MLLT3: variants seen among roughly 807,000 people sequenced by gnomAD.
MLLT3 encodes the protein protein AF-9.
In MLLT3, 4 loss-of-function variants were observed where a neutral mutation model predicts 53.2. The ratio of observed to expected loss-of-function variants is 0.08; its 90% confidence interval spans 0.04 to 0.17. The LOEUF is 0.17. Among genes scored for constraint, MLLT3 ranks in the 10% least tolerant of loss-of-function variants. The pLI is 1.00. For synonymous variants in MLLT3, 283 were observed against 230.6 expected (o/e 1.23, Z -2.06); for missense variants, 569 against 684.0 (o/e 0.83, Z 1.87).
At chr9:20,394,731 C>T (rs914341380) in intron 5 of MLLT3, among the ~76,000 whole-genome samples, 5 of 151,944 alleles carry the variant, frequency 3.3e-5, no homozygotes, top group East Asian at 1.9e-4. Flanking sequence ...AAACATGGAA[C>T]GTATTTTTAA....
chr9:20,365,350 T>G (rs1361672194), intron 6 of MLLT3, among the ~76,000 whole-genome samples: 2 of 151,992 alleles, frequency 1.3e-5, no homozygotes, highest in African/African-American at 4.8e-5. Context: ...TTTTGTTTTC[T>G]TTTTTTTGAG....
At chr9:20,388,600 C>T (rs1164276731) in intron 5 of MLLT3, among the ~76,000 whole-genome samples, 2 of 151,870 alleles carry the variant, frequency 1.3e-5, no homozygotes, top group African/African-American at 4.8e-5. Flanking sequence ...AAAAACAAAA[C>T]TATTCTCCAA....
chr9:20,392,111 G>C (rs1282870717), intron 5 of MLLT3, among the ~76,000 whole-genome samples: 1 of 152,112 alleles, frequency 6.6e-6, no homozygotes, highest in Non-Finnish European at 1.5e-5. Context: ...GAGGCCTCCT[G>C]AGCTCCCTGA....
chr9:20,349,534 A>T (rs78284619), intron 10 of MLLT3, among the ~76,000 whole-genome samples: 3 of 104,454 alleles, frequency 2.9e-5, no homozygotes, highest in Non-Finnish European at 4.3e-5. Flanking sequence ...GGCTTGAATT[A>T]AAAAAAAAAA....
intron 5 of MLLT3, among the ~76,000 whole-genome samples, chr9:20,368,605 C>T (rs1821516435): frequency 6.6e-6 from 1 of 152,224 alleles, no homozygotes; most frequent in African/African-American, 2.4e-5. Flanking sequence ...TCATGTCAAT[C>T]TCAGAACCAA....
intron 4 of MLLT3, among the ~76,000 whole-genome samples, chr9:20,421,571 T>A (rs1454452057): frequency 6.6e-6 from 1 of 152,202 alleles, no homozygotes; most frequent in Non-Finnish European, 1.5e-5. Context: ...ATCAGTGCTT[T>A]AATTATATAA....
At chr9:20,484,789 G>A (rs1824763856) in intron 2 of MLLT3, among the ~76,000 whole-genome samples, 1 of 152,082 alleles carries the variant, frequency 6.6e-6, no homozygotes, top group Non-Finnish European at 1.5e-5. Context: ...TATTCAAAAT[G>A]TTTAATGAAA....
intron 2 of MLLT3, among the ~76,000 whole-genome samples, chr9:20,609,148 T>G (rs1345896796): frequency 6.6e-6 from 1 of 152,080 alleles, no homozygotes; most frequent in Non-Finnish European, 1.5e-5. Flanking sequence ...TGTGTATTTT[T>G]GGATAAATTA....
At chr9:20,402,727 A>C (rs1385027059) in intron 5 of MLLT3, among the ~76,000 whole-genome samples, 2 of 152,210 alleles carry the variant, frequency 1.3e-5, no homozygotes, top group Non-Finnish European at 2.9e-5. Flanking sequence ...GAGACAATAA[A>C]GGATGACCAG....
Position 20,588,134 on chromosome 9 carries a change from C to T in MLLT3, c.193+32520G>A, listed in dbSNP as rs148401188. On this transcript the variant is annotated intron_variant, in intron 2 of 10. Coordinates refer to ENST00000380338, the MANE Select transcript of MLLT3 (RefSeq NM_004529.4). ...CATTGCTTGTTTTTCTCAAGTTTGT[C>T]AAAGATGAGATAGTTGTAGATATGC... Among the ~76,000 whole-genome samples, 284 of 152,206 alleles carry T rather than the reference C, an allele frequency of 1.9e-3. 2 individuals are homozygous for T. Among genetic ancestry groups the T allele is most frequent in the African/African-American group, 6.7e-3 (279 of 41,532 alleles).
At chr9:20,403,429 C>A (rs544355265) in intron 5 of MLLT3, among the ~76,000 whole-genome samples, 1 of 152,252 alleles carries the variant, frequency 6.6e-6, no homozygotes, top group Admixed American at 6.5e-5. Context: ...TAACACACAA[C>A]CTCCCTCCTT....
At chr9:20,585,672 C>T (rs1819937889) in intron 2 of MLLT3, among the ~76,000 whole-genome samples, 1 of 152,164 alleles carries the variant, frequency 6.6e-6, no homozygotes, top group Non-Finnish European at 1.5e-5. Context: ...TATTGAGCAT[C>T]TTTTCATCAC....
chr9:20,615,374 A>C (rs866731641), intron 2 of MLLT3, among the ~76,000 whole-genome samples: 256 of 128,606 alleles, frequency 2.0e-3, no homozygotes, highest in Non-Finnish European at 2.6e-3. Flanking sequence ...AAAAAAAAAA[A>C]AAAAAAAAAA....
chr9:20,586,134 T>C (rs547151033), intron 2 of MLLT3, among the ~76,000 whole-genome samples: 24 of 152,100 alleles, frequency 1.6e-4, no homozygotes, highest in Non-Finnish European at 3.1e-4. Flanking sequence ...CCGGGCAACA[T>C]AGCGAGGCTT....
chr9:20,409,590 G>T (rs1822672196), intron 5 of MLLT3, among the ~76,000 whole-genome samples: 1 of 152,048 alleles, frequency 6.6e-6, no homozygotes, highest in Non-Finnish European at 1.5e-5. Context: ...TCCTAAACCA[G>T]GAACCACTGT....
intron 5 of MLLT3, among the ~76,000 whole-genome samples, chr9:20,393,136 C>A (rs1822230215): frequency 6.6e-6 from 1 of 151,982 alleles, no homozygotes; most frequent in South Asian, 2.1e-4. Context: ...GCCTGGGCAA[C>A]AAGAGCAAAA....
At chr9:20,483,718 T>C (rs1799093681) in intron 2 of MLLT3, among the ~76,000 whole-genome samples, 1 of 141,744 alleles carries the variant, frequency 7.1e-6, no homozygotes, top group South Asian at 2.4e-4. Flanking sequence ...TTTTTTTTTT[T>C]TTTTTCCGAG....
intron 2 of MLLT3, among the ~76,000 whole-genome samples, chr9:20,543,192 G>A (rs777811118): frequency 1.3e-5 from 2 of 152,180 alleles, no homozygotes; most frequent in African/African-American, 4.8e-5. Context: ...ACTGTTCACT[G>A]AAGGAGCACA....
chr9:20,506,836 T>G (rs187424192), intron 2 of MLLT3, among the ~76,000 whole-genome samples: 1 of 152,330 alleles, frequency 6.6e-6, no homozygotes, highest in East Asian at 1.9e-4. Flanking sequence ...GAGAAGTGTA[T>G]CTGGAAGCTG....
Sources: allele counts gnomAD v4.1 joint callset (sites outside exome capture counted in the v4.1 genomes callset), GRCh38; gene constraint gnomAD v4.1.1; transcripts MANE v1.5; gene names NCBI Gene and HGNC (gene_info 2026-07-23, HGNC 2026-07-21).